ADAMTSL1: variants seen among roughly 807,000 people sequenced by gnomAD.
ADAMTSL1 encodes the protein ADAMTS like 1, also known as ADAMTS-like protein 1.
A neutral mutation model predicts 201.8 loss-of-function variants in ADAMTSL1; 126 were observed. The observed-to-expected ratio is 0.62, with a 90% CI of 0.54 to 0.72. ADAMTSL1 has a LOEUF of 0.72. Ranked by LOEUF, ADAMTSL1 falls within the 30% of genes least tolerant of loss-of-function variation. The pLI is 0.00. For missense variants in ADAMTSL1, 2,679 were observed against 2,277.8 expected, an observed-to-expected ratio of 1.18 and a Z score of -3.59; for synonymous variants, 1,121 against 903.4, an observed-to-expected ratio of 1.24 and a Z score of -4.32.
intron 7 of ADAMTSL1, among the ~76,000 whole-genome samples, chr9:18,653,634 A>C (rs1387440650): frequency 6.6e-6 from 1 of 151,410 alleles, no homozygotes; most frequent in Non-Finnish European, 1.5e-5. Flanking sequence ...AAAAAAAAAA[A>C]AACTCTGAGC....
chr9:18,879,517 G>A (rs892931806), intron 23 of ADAMTSL1, among the ~76,000 whole-genome samples: 13 of 152,164 alleles, frequency 8.5e-5, no homozygotes, highest in Non-Finnish European at 1.8e-4. Flanking sequence ...GCAATAAAGC[G>A]AGTCACACAA....
At chr9:18,047,223 T>C (rs1464328133) in intron 1 of ADAMTSL1, among the ~76,000 whole-genome samples, 1 of 152,128 alleles carries the variant, frequency 6.6e-6, no homozygotes, top group Non-Finnish European at 1.5e-5. Flanking sequence ...AGTAACTAGA[T>C]AATGAAAATG....
chr9:18,384,433 G>C (rs1203188086), intron 2 of ADAMTSL1, among the ~76,000 whole-genome samples: 1 of 152,128 alleles, frequency 6.6e-6, no homozygotes, highest in African/African-American at 2.4e-5. Context: ...GGGACACAGA[G>C]CCAAACCATA....
chr9:18,481,021 G>C (rs1160041234), intron 1 of ADAMTSL1, among the ~76,000 whole-genome samples: 1 of 152,094 alleles, frequency 6.6e-6, no homozygotes, highest in African/African-American at 2.4e-5. Context: ...GAATATAACA[G>C]AAAAAGATGC....
At chr9:18,252,885 G>A (rs893995771) in intron 2 of ADAMTSL1, among the ~76,000 whole-genome samples, 8 of 152,032 alleles carry the variant, frequency 5.3e-5, no homozygotes, top group Admixed American at 3.9e-4. Flanking sequence ...ATCTAACTTT[G>A]GAGAATCTCT....
At chr9:18,684,537 AT>A (rs1172563292) in intron 12 of ADAMTSL1, among the ~76,000 whole-genome samples, 178 bp from the exon 13 acceptor site, 1 of 152,252 alleles carries the variant, frequency 6.6e-6, no homozygotes, top group Non-Finnish European at 1.5e-5. Flanking sequence ...ATTATTAAAC[AT>A]TTTAAAATTC....
chr9:18,015,264 G>A (rs1187933805), intron 1 of ADAMTSL1, among the ~76,000 whole-genome samples: 2 of 152,010 alleles, frequency 1.3e-5, no homozygotes, highest in Non-Finnish European at 2.9e-5. Flanking sequence ...TGTCTCTGCT[G>A]GGAGGGATCT....
At chr9:18,016,103 G>A (rs1169702155) in intron 1 of ADAMTSL1, among the ~76,000 whole-genome samples, 2 of 152,034 alleles carry the variant, frequency 1.3e-5, no homozygotes, top group Admixed American at 6.6e-5. Flanking sequence ...AGGCGGGAAT[G>A]TTCCTGTTAT....
chr9:18,804,894 T>G (rs1053266038), intron 20 of ADAMTSL1, among the ~76,000 whole-genome samples: 19 of 152,250 alleles, frequency 1.2e-4, no homozygotes, highest in African/African-American at 4.6e-4. Context: ...AAATCTGGAT[T>G]AAATACAATT....
At chr9:17,970,749 C>T (rs1008421491) in intron 1 of ADAMTSL1, among the ~76,000 whole-genome samples, 4 of 152,038 alleles carry the variant, frequency 2.6e-5, no homozygotes, top group Non-Finnish European at 5.9e-5. Flanking sequence ...CTCTGTGCTC[C>T]ATTGACACTG....
chr9:18,269,375 T>G (rs1832267146), intron 2 of ADAMTSL1, among the ~76,000 whole-genome samples: 1 of 152,180 alleles, frequency 6.6e-6, no homozygotes, highest in Admixed American at 6.6e-5. Flanking sequence ...AGGACCCATC[T>G]GCATGGATTT....
chr9:18,691,914 A>G (rs1028550224), intron 13 of ADAMTSL1, among the ~76,000 whole-genome samples: 1 of 152,152 alleles, frequency 6.6e-6, no homozygotes, highest in Non-Finnish European at 1.5e-5. Context: ...AGCATCATTC[A>G]TTTTCCTAGA....
chr9:18,180,601 G>A (rs1828420877), intron 2 of ADAMTSL1, among the ~76,000 whole-genome samples: 1 of 150,800 alleles, frequency 6.6e-6, no homozygotes, highest in Non-Finnish European at 1.5e-5. Flanking sequence ...CCTCTTCAAG[G>A]AGAACTACAA....
intron 13 of ADAMTSL1, 100 bp downstream of exon 13, chr9:18,684,900 G>A (rs1830731583): frequency 3.5e-6 from 5 of 1,447,946 alleles, no homozygotes; most frequent in Non-Finnish European, 4.6e-6. Context: ...TGAACTAAGT[G>A]TAATCATCTC....
At position 18,555,995 on chromosome 9, in the gene ADAMTSL1, TA is replaced by T. The variant is rs200463522; in HGVS notation, c.238-18027del. ...ATGTACCCTAGAACTTAAAGTATAA[TA>T]AAAAAAATACATATAAAAAAAGAAA... On this transcript the variant is annotated intron_variant, in intron 3 of 28. Coordinates refer to ENST00000380548, the MANE Select transcript of ADAMTSL1 (RefSeq NM_001040272.6). Among the ~76,000 whole-genome samples the T allele has an allele frequency of 6.3e-3, 950 of 151,252 alleles. 4 individuals are homozygous for T. Among genetic ancestry groups the T allele is most frequent in the Non-Finnish European group, 0.01 (682 of 67,744 alleles).
intron 1 of ADAMTSL1, among the ~76,000 whole-genome samples, chr9:18,044,267 T>C (rs766155510): frequency 6.6e-6 from 1 of 151,704 alleles, no homozygotes; most frequent in African/African-American, 2.4e-5. Flanking sequence ...CAGTGAGACA[T>C]AGGTAGGGCT....
intron 7 of ADAMTSL1, among the ~76,000 whole-genome samples, chr9:18,640,541 T>G (rs1827374707): frequency 6.6e-6 from 1 of 152,096 alleles, no homozygotes; most frequent in Non-Finnish European, 1.5e-5. Flanking sequence ...CATTGTCAAA[T>G]GTGTTACATC....
chr9:18,821,139 AG>A (rs1462734771), intron 21 of ADAMTSL1, among the ~76,000 whole-genome samples: 1 of 152,254 alleles, frequency 6.6e-6, no homozygotes, highest in Non-Finnish European at 1.5e-5. Context: ...AGCAGGACTA[AG>A]GATGCAGAAA....
intron 2 of ADAMTSL1, among the ~76,000 whole-genome samples, chr9:18,346,748 C>T (rs529356632): frequency 1.5e-4 from 23 of 152,154 alleles, no homozygotes; most frequent in African/African-American, 4.3e-4. Context: ...TGAAGTCACC[C>T]GCTAATTAAC....
Sources: allele counts gnomAD v4.1 joint callset (sites outside exome capture counted in the v4.1 genomes callset), GRCh38; gene constraint gnomAD v4.1.1; transcripts MANE v1.5; gene names NCBI Gene and HGNC (gene_info 2026-07-23, HGNC 2026-07-21).